SRR: variants seen among roughly 807,000 people sequenced by gnomAD.
SRR encodes D-serine ammonia-lyase.
In SRR, 19 loss-of-function variants were observed where a neutral mutation model predicts 32.7. That is an observed-to-expected ratio of 0.58 (90% confidence interval 0.40 to 0.85). The LOEUF (loss-of-function observed/expected upper bound fraction) is 0.85, where lower values mean the gene tolerates loss of function less well. Among genes scored for constraint, SRR ranks in the 40% least tolerant of loss-of-function variants. The pLI is 0.00. For missense variants in SRR, 373 were observed against 404.7 expected, an observed-to-expected ratio of 0.92 and a Z score of 0.67; for synonymous variants, 142 against 140.9, an observed-to-expected ratio of 1.01 and a Z score of -0.06.
intron 2 of SRR, among the ~76,000 whole-genome samples, chr17:2,316,706 TTTTTG>T (rs543573450): frequency 2.6e-4 from 40 of 151,356 alleles, no homozygotes; most frequent in African/African-American, 8.2e-4. Flanking sequence ...ATGAAACGCT[TTTTTG>T]TTTTGTTTTG....
At chr17:2,307,659 C>T in intron 1 of SRR, 1 of 978,234 alleles carries the variant, frequency 1.0e-6, no homozygotes, top group Non-Finnish European at 1.6e-6. Flanking sequence ...ACCACGAAAC[C>T]AAGGTGGCTA....
At chr17:2,312,524 G>C (rs977335574) in intron 1 of SRR, among the ~76,000 whole-genome samples, 1 of 152,178 alleles carries the variant, frequency 6.6e-6, no homozygotes, top group Non-Finnish European at 1.5e-5. Flanking sequence ...GAACCTGGGA[G>C]GTGGAGGTTG....
chr17:2,311,207 T>G (rs1567774874), intron 1 of SRR, among the ~76,000 whole-genome samples: 1 of 152,080 alleles, frequency 6.6e-6, no homozygotes, highest in Non-Finnish European at 1.5e-5. Flanking sequence ...TTTGTTCTCT[T>G]GTTTTTTTGT....
chr17:2,323,366 G>T (rs1162899574), intron 7 of SRR, 21 bp downstream of exon 7: 3 of 1,613,466 alleles, frequency 1.9e-6, no homozygotes, highest in East Asian at 2.2e-5. Context: ...AGCAAGAAAA[G>T]AAATAGCAAA....
intron 1 of SRR, among the ~76,000 whole-genome samples, chr17:2,313,170 C>T (rs1225220903): frequency 6.6e-6 from 1 of 152,230 alleles, no homozygotes; most frequent in East Asian, 1.9e-4. Flanking sequence ...TGGCTCACGC[C>T]TGTAATCCCA....
rs1276698438 is a variant in SRR, at chr17:2,317,878, T to A, written c.177T>A (p.Gly59=). The A allele has an allele frequency of 1.2e-6, 2 of 1,613,128 alleles. No individual in the cohort carries two copies. Among genetic ancestry groups the A allele is most frequent in the Non-Finnish European group, 1.7e-6 (2 of 1,179,614 alleles). Residue 59 remains glycine, a synonymous_variant, in exon 3 of 8, where the codon GGT becomes GGA. Transcript: ENST00000344595. ...CCATCCCTCTTTTTCAGATTCGTGG[T>A]GCTCTCAATGCCGTCAGAAGCTTGG... ...FQKTGSFKIR[G]ALNAVRSLVP...
intron 4 of SRR, among the ~76,000 whole-genome samples, chr17:2,319,680 ACT>A (rs1419538374): frequency 6.6e-6 from 1 of 152,086 alleles, no homozygotes; most frequent in Non-Finnish European, 1.5e-5. Context: ...TACCGTTAGC[ACT>A]CTGATTCAAA....
chr17:2,307,391 G>A, intron 1 of SRR: 2 of 1,148,544 alleles, frequency 1.7e-6, no homozygotes, highest in Non-Finnish European at 1.3e-6. Flanking sequence ...GGTGGTTTCG[G>A]TAGGAATGAC....
At chr17:2,311,085 TAGTC>T (rs1209473055) in intron 1 of SRR, among the ~76,000 whole-genome samples, 1 of 151,496 alleles carries the variant, frequency 6.6e-6, no homozygotes, top group Non-Finnish European at 1.5e-5. Context: ...TTTACTATGT[TAGTC>T]AGTCTGGTCT....
At chr17:2,319,805 T>A (rs2075509300) in intron 4 of SRR, among the ~76,000 whole-genome samples, 1 of 149,260 alleles carries the variant, frequency 6.7e-6, no homozygotes, top group African/African-American at 2.4e-5. Context: ...TTTAATAAAG[T>A]CAGAACTTGT....
intron 4 of SRR, among the ~76,000 whole-genome samples, chr17:2,320,795 G>A (rs1045921603): frequency 6.6e-6 from 1 of 150,438 alleles, no homozygotes; most frequent in African/African-American, 2.5e-5. Flanking sequence ...CTCCTGACCT[G>A]AAGTGATCTG....
At chr17:2,314,582 C>CAAA (rs35790609) in intron 1 of SRR, among the ~76,000 whole-genome samples, 1 of 102,950 alleles carries the variant, frequency 9.7e-6, no homozygotes. Context: ...GACTCTGTCT[C>CAAA]AAAAAAAAAA....
At position 2,315,967 on chromosome 17, in the gene SRR, G is replaced by A. The variant is rs370502324; in HGVS notation, c.168+239G>A. Among the ~76,000 whole-genome samples, 12 of 151,860 alleles carry A rather than the reference G, an allele frequency of 7.9e-5. No individual in the cohort carries two copies. The South Asian group carries it at 2.1e-3, about 26-fold the overall frequency. ...TTAGGATAATATATATAACTTATCC[G>A]AGTAATTTTTATATATATGTATGTG... On this transcript the variant is annotated intron_variant, in intron 2 of 7. Transcript: ENST00000344595.
chr17:2,316,857 C>A (rs942657308), intron 2 of SRR, among the ~76,000 whole-genome samples: 3 of 150,952 alleles, frequency 2.0e-5, no homozygotes, highest in African/African-American at 7.3e-5. Flanking sequence ...GGACTACAGG[C>A]GCCTGCCACC....
upstream of SRR, chr17:2,303,556 G>A (rs1028886686): frequency 2.3e-4 from 315 of 1,348,642 alleles, 1 homozygote; most frequent in Non-Finnish European, 6.0e-5. Flanking sequence ...CGAGGGCCGA[G>A]CGGGGAGGAG....
chr17:2,310,330 A>G (rs765264015), intron 1 of SRR, among the ~76,000 whole-genome samples: 1 of 152,146 alleles, frequency 6.6e-6, no homozygotes, highest in Non-Finnish European at 1.5e-5. Context: ...AGGAAGCACC[A>G]TACTGTTTAC....
At position 2,324,942 on chromosome 17, in the gene SRR, GC is replaced by G. The variant is rs2075566409; in HGVS notation, c.*1072del. Reference sequence around the variant, plus strand: ...AGCCTGGTTTGTCATCCCTGCCCTAGCCCAATCTGAGGCTAAGATTGGTAAA... The same window carrying G: ...AGCCTGGTTTGTCATCCCTGCCCTAGCCAATCTGAGGCTAAGATTGGTAAA... On this transcript the variant is annotated 3_prime_UTR_variant, in exon 8 of 8. Coordinates refer to ENST00000344595, the MANE Select transcript of SRR (RefSeq NM_021947.3). 8.8e-6 allele frequency: 11 copies of G among 1,248,446 alleles called. No individual in the cohort carries two copies. In the South Asian group the frequency reaches 1.4e-4, roughly 16 times the overall value. The allele number at this position is 1,248,446 out of a possible 1,614,324, so 77.3% of individuals were successfully genotyped here.
At chr17:2,312,835 CT>C (rs1346919704) in intron 1 of SRR, among the ~76,000 whole-genome samples, 1 of 152,198 alleles carries the variant, frequency 6.6e-6, no homozygotes, top group Non-Finnish European at 1.5e-5. Context: ...ACACAAAAAT[CT>C]TGCAACAAGG....
At chr17:2,317,483 G>C (rs1597265182) in intron 2 of SRR, among the ~76,000 whole-genome samples, 3 of 149,512 alleles carry the variant, frequency 2.0e-5, no homozygotes, top group South Asian at 4.2e-4. Context: ...CTGCACTGCA[G>C]CCCGGGCTAC....
Sources: allele counts gnomAD v4.1 joint callset (sites outside exome capture counted in the v4.1 genomes callset), GRCh38; gene constraint gnomAD v4.1.1; transcripts MANE v1.5; gene names NCBI Gene and HGNC (gene_info 2026-07-23, HGNC 2026-07-21).